The following EPM2A variants were observed in gnomAD, a reference collection of about 807,000 sequenced individuals.
EPM2A encodes EPM2A glucan phosphatase, laforin, also known as laforin.
In EPM2A, 21 loss-of-function variants were observed where a neutral mutation model predicts 26.5. The ratio of observed to expected loss-of-function variants is 0.79; its 90% CI spans 0.56 to 1.14. EPM2A has a LOEUF of 1.14. Ranked by LOEUF, EPM2A falls within the 50% of genes most tolerant of loss-of-function variation. The pLI is 0.00. For missense variants in EPM2A, 458 were observed against 440.8 expected, an observed-to-expected ratio of 1.04 and a Z score of -0.35; for synonymous variants, 217 against 177.6, an observed-to-expected ratio of 1.22 and a Z score of -1.76.
chr6:145,559,150 C>A (rs1055805519), intron 2 of EPM2A, among the ~76,000 whole-genome samples: 3 of 152,062 alleles, frequency 2.0e-5, no homozygotes, highest in African/African-American at 7.2e-5. Context: ...GTGAATCAAT[C>A]CCAGTCATTC....
chr6:145,487,930 C>T (rs1779698724), intron 4 of EPM2A, among the ~76,000 whole-genome samples: 1 of 152,040 alleles, frequency 6.6e-6, no homozygotes, highest in Non-Finnish European at 1.5e-5. Flanking sequence ...AGGTTGTCTT[C>T]CAGGGTTTTT....
chr6:145,395,809 C>T (rs968871248), intron 4 of EPM2A, among the ~76,000 whole-genome samples: 1 of 152,158 alleles, frequency 6.6e-6, no homozygotes, highest in African/African-American at 2.4e-5. Context: ...ATCTGGTACG[C>T]TGATGAGTCT....
intron 4 of EPM2A, among the ~76,000 whole-genome samples, chr6:145,430,236 G>T (rs1031774428): frequency 1.3e-5 from 2 of 151,828 alleles, no homozygotes; most frequent in Non-Finnish European, 2.9e-5. Flanking sequence ...GAAAACAAAA[G>T]AAATAAATAA....
intron 2 of EPM2A, among the ~76,000 whole-genome samples, chr6:145,522,378 A>G (rs932449767): frequency 6.6e-6 from 1 of 151,940 alleles, no homozygotes; most frequent in Non-Finnish European, 1.5e-5. Flanking sequence ...TTAACTCACC[A>G]TTTTCCCCTA....
At chr6:145,577,624 T>TCGGC (rs1781052492) in intron 2 of EPM2A, among the ~76,000 whole-genome samples, 3 of 151,702 alleles carry the variant, frequency 2.0e-5, no homozygotes, top group Non-Finnish European at 2.9e-5. Context: ...AATTTCACTT[T>TCGGC]TGGCTTTGGA....
intron 1 of EPM2A, among the ~76,000 whole-genome samples, chr6:145,710,903 T>C (rs1282267022): frequency 7.2e-6 from 1 of 138,406 alleles, no homozygotes. Context: ...TTCTCACTCA[T>C]AGGTGGGAAT....
chr6:145,467,415 G>A (rs1173140934), intron 4 of EPM2A, among the ~76,000 whole-genome samples: 1 of 152,058 alleles, frequency 6.6e-6, no homozygotes, highest in Non-Finnish European at 1.5e-5. Context: ...CTATGTAGCT[G>A]GATCTGATCT....
chr6:145,682,022 G>A (rs1780575151), intron 2 of EPM2A, among the ~76,000 whole-genome samples: 1 of 152,068 alleles, frequency 6.6e-6, no homozygotes, highest in Non-Finnish European at 1.5e-5. Context: ...ATGTACACTT[G>A]CTATTTGCAT....
At chr6:145,408,096 C>T (rs953398844) in intron 4 of EPM2A, among the ~76,000 whole-genome samples, 4 of 152,088 alleles carry the variant, frequency 2.6e-5, no homozygotes, top group Admixed American at 2.0e-4. Context: ...TGAAACTCTG[C>T]CTGTTATGAG....
intron 2 of EPM2A, among the ~76,000 whole-genome samples, chr6:145,581,557 T>C (rs1379575211): frequency 6.6e-6 from 1 of 152,212 alleles, no homozygotes; most frequent in Admixed American, 6.5e-5. Flanking sequence ...ATCTTTGTCA[T>C]GAAGTCTTTG....
intron 4 of EPM2A, among the ~76,000 whole-genome samples, chr6:145,467,852 G>A (rs746999546): frequency 6.6e-6 from 1 of 151,886 alleles, no homozygotes; most frequent in East Asian, 1.9e-4. Context: ...TATTTCTGCT[G>A]CTATTCTGAT....
chr6:145,466,446 C>A (rs1244963786), intron 4 of EPM2A, among the ~76,000 whole-genome samples: 2 of 152,068 alleles, frequency 1.3e-5, no homozygotes, highest in African/African-American at 2.4e-5. Context: ...AAATGAGATA[C>A]CATTTCACAC....
chr6:145,545,568 C>T (rs1457234152), intron 2 of EPM2A, among the ~76,000 whole-genome samples: 1 of 152,178 alleles, frequency 6.6e-6, no homozygotes, highest in Admixed American at 6.5e-5. Context: ...CAGTTCACCA[C>T]ACTACTTATT....
At chr6:145,552,915 T>C (rs759283748) in intron 2 of EPM2A, among the ~76,000 whole-genome samples, 10 of 152,120 alleles carry the variant, frequency 6.6e-5, no homozygotes, top group Admixed American at 2.6e-4. Context: ...GTGCCAATTA[T>C]ATGTTAATTA....
chr6:145,702,080 T>A (rs1225506325), intron 1 of EPM2A, among the ~76,000 whole-genome samples: 2 of 152,120 alleles, frequency 1.3e-5, no homozygotes, highest in Non-Finnish European at 2.9e-5. Context: ...CCCAACAGCA[T>A]CTCTTATTGC....
chr6:145,403,367 C>G (rs1173100688), intron 4 of EPM2A, among the ~76,000 whole-genome samples: 1 of 151,908 alleles, frequency 6.6e-6, no homozygotes, highest in Non-Finnish European at 1.5e-5. Context: ...TACCCACTAT[C>G]CATCCTCCCA....
At chr6:145,613,147 C>T (rs1775428774) in intron 2 of EPM2A, among the ~76,000 whole-genome samples, 1 of 152,110 alleles carries the variant, frequency 6.6e-6, no homozygotes, top group African/African-American at 2.4e-5. Context: ...CATTTGTTGT[C>T]GTTTCCACAA....
chr6:145,614,884 T>C (rs958960780), intron 2 of EPM2A, among the ~76,000 whole-genome samples: 1 of 152,200 alleles, frequency 6.6e-6, no homozygotes. Context: ...TACATGCTGT[T>C]AGAAAAATGT....
intron 4 of EPM2A, chr6:145,490,647 C>T: frequency 1.6e-6 from 1 of 633,102 alleles, no homozygotes; most frequent in Admixed American, 1.9e-5. Flanking sequence ...ATATTTCACA[C>T]TTGAAACTCT....
Sources: allele counts gnomAD v4.1 joint callset (sites outside exome capture counted in the v4.1 genomes callset), GRCh38; gene constraint gnomAD v4.1.1; transcripts MANE v1.5; gene names NCBI Gene and HGNC (gene_info 2026-07-23, HGNC 2026-07-21).